The following NRXN3 variants were observed in gnomAD, a reference collection of about 807,000 sequenced individuals.
The protein encoded by NRXN3 is neurexin III.
A neutral mutation model predicts 137.6 loss-of-function variants in NRXN3; 32 were observed. That is an observed-to-expected ratio of 0.23 (90% confidence interval 0.18 to 0.31). The LOEUF is 0.31. Among genes scored for constraint, NRXN3 ranks in the 10% least tolerant of loss-of-function variants. NRXN3 has a pLI of 1.00. For synonymous variants in NRXN3, 798 were observed against 784.5 expected (o/e 1.02, Z -0.29); for missense variants, 1,574 against 2,062.5 (o/e 0.76, Z 4.59).
chr14:79,517,099 C>CCCG (rs2096996100), intron 16 of NRXN3, among the ~76,000 whole-genome samples: 1 of 96,918 alleles, frequency 1.0e-5, no homozygotes, highest in African/African-American at 5.4e-5. Flanking sequence ...ACAGCCCCCC[C>CCCG]CCCCTCAACG....
intron 15 of NRXN3, among the ~76,000 whole-genome samples, chr14:79,090,358 A>G (rs1258431415): frequency 1.3e-5 from 2 of 152,182 alleles, no homozygotes; most frequent in Non-Finnish European, 2.9e-5. Flanking sequence ...TCCCTTTTAG[A>G]GAAGAAGATA....
At chr14:79,619,289 T>A (rs1215898557) in intron 16 of NRXN3, among the ~76,000 whole-genome samples, 1 of 152,066 alleles carries the variant, frequency 6.6e-6, no homozygotes, top group Non-Finnish European at 1.5e-5. Flanking sequence ...AGGCCAACGT[T>A]CTAAATGGTA....
At chr14:79,162,291 C>G (rs1450274429) in intron 15 of NRXN3, among the ~76,000 whole-genome samples, 1 of 133,064 alleles carries the variant, frequency 7.5e-6, no homozygotes, top group Non-Finnish European at 1.6e-5. Context: ...ATCCCGCCCC[C>G]CTCCCCTCAC....
At chr14:78,465,786 G>A (rs2095084848) in intron 4 of NRXN3, among the ~76,000 whole-genome samples, 1 of 151,964 alleles carries the variant, frequency 6.6e-6, no homozygotes, top group South Asian at 2.1e-4. Flanking sequence ...GCCCGCCTCG[G>A]CTTCCCAAAG....
intron 1 of NRXN3, among the ~76,000 whole-genome samples, chr14:78,188,814 A>G (rs995795246): frequency 1.8e-4 from 28 of 152,220 alleles, no homozygotes; most frequent in African/African-American, 6.3e-4. Context: ...ACGGATTCCT[A>G]CGGGTTGGTT....
At chr14:79,118,453 T>C (rs2054840317) in intron 15 of NRXN3, among the ~76,000 whole-genome samples, 1 of 152,200 alleles carries the variant, frequency 6.6e-6, no homozygotes, top group South Asian at 2.1e-4. Context: ...TAAGTGTTGA[T>C]GTGAGAGTCC....
chr14:79,347,051 C>A (rs997765595), intron 15 of NRXN3, among the ~76,000 whole-genome samples: 2 of 152,060 alleles, frequency 1.3e-5, no homozygotes, highest in African/African-American at 4.8e-5. Flanking sequence ...TGAGTTGGAG[C>A]AAAACTCTTG....
intron 19 of NRXN3, among the ~76,000 whole-genome samples, chr14:79,767,398 T>C (rs2099059620): frequency 6.6e-6 from 1 of 152,248 alleles, no homozygotes; most frequent in African/African-American, 2.4e-5. Flanking sequence ...GTTATTTTTT[T>C]ACTCAGAGAA....
chr14:79,347,730 C>T (rs2092968757), intron 15 of NRXN3, among the ~76,000 whole-genome samples: 1 of 152,068 alleles, frequency 6.6e-6, no homozygotes, highest in Non-Finnish European at 1.5e-5. Context: ...CAACATTTCC[C>T]TTTTCAGTAG....
At chr14:79,749,072 C>T (rs2098988753) in intron 19 of NRXN3, among the ~76,000 whole-genome samples, 1 of 152,000 alleles carries the variant, frequency 6.6e-6, no homozygotes, top group South Asian at 2.1e-4. Context: ...GGAGGCTTTT[C>T]TCTTGATCTA....
chr14:78,422,138 A>G (rs1035336972), intron 4 of NRXN3, among the ~76,000 whole-genome samples: 3 of 152,160 alleles, frequency 2.0e-5, no homozygotes, highest in Non-Finnish European at 2.9e-5. Flanking sequence ...AGCCAAGGCC[A>G]CTGCTGGACT....
chr14:79,722,666 A>G (rs2098848919), intron 19 of NRXN3, among the ~76,000 whole-genome samples: 2 of 152,068 alleles, frequency 1.3e-5, no homozygotes, highest in South Asian at 2.1e-4. Flanking sequence ...ATGTGTTTCC[A>G]CAGTAAATGG....
At chr14:78,212,806 A>C (rs1845745501) in intron 1 of NRXN3, among the ~76,000 whole-genome samples, 2 of 152,206 alleles carry the variant, frequency 1.3e-5, no homozygotes, top group South Asian at 4.1e-4. Flanking sequence ...GCAGTTTTTC[A>C]ATTAGATATA....
intron 4 of NRXN3, among the ~76,000 whole-genome samples, chr14:78,438,302 T>C (rs573571961): frequency 2.6e-5 from 4 of 152,212 alleles, no homozygotes; most frequent in Middle Eastern, 3.4e-3. Context: ...AGCTGGAAAT[T>C]TGGTTTTGAG....
chr14:79,702,623 C>G (rs1376887356), intron 19 of NRXN3, among the ~76,000 whole-genome samples: 1 of 151,936 alleles, frequency 6.6e-6, no homozygotes, highest in East Asian at 1.9e-4. Context: ...TTGTGAGTAG[C>G]AAGGGGTCCA....
intron 15 of NRXN3, among the ~76,000 whole-genome samples, chr14:79,104,981 A>T (rs2052108053): frequency 6.6e-6 from 1 of 152,110 alleles, no homozygotes; most frequent in Non-Finnish European, 1.5e-5. Flanking sequence ...TTTTCATGAT[A>T]TTTCATGTCT....
chr14:79,152,236 A>G lies in NRXN3; in HGVS notation c.3262+164095A>G, dbSNP rs188835052. Among the ~76,000 whole-genome samples, 214 of 152,214 alleles carry G rather than the reference A, an allele frequency of 1.4e-3. 1 individual carries two copies. Among genetic ancestry groups the G allele is most frequent in the African/African-American group, 4.8e-3 (198 of 41,564 alleles). ...TGCTTTTGCATTTTATCTGCAGTCA[A>G]CTAGTTAGAAACCAGAAACAACTAT... On this transcript the variant is annotated intron_variant, in intron 15 of 20. Coordinates refer to ENST00000335750, the MANE Select transcript of NRXN3 (RefSeq NM_001330195.2).
chr14:79,514,142 G>A (rs1275112099), intron 16 of NRXN3, among the ~76,000 whole-genome samples: 1 of 151,930 alleles, frequency 6.6e-6, no homozygotes, highest in Non-Finnish European at 1.5e-5. Flanking sequence ...TAGAGATAGA[G>A]ATATAGGCAA....
At chr14:79,243,472 A>G (rs771464268) in intron 15 of NRXN3, among the ~76,000 whole-genome samples, 1 of 152,156 alleles carries the variant, frequency 6.6e-6, no homozygotes, top group Non-Finnish European at 1.5e-5. Flanking sequence ...AGAGTGCTTT[A>G]TGTGCGTTGT....
Sources: allele counts gnomAD v4.1 joint callset (sites outside exome capture counted in the v4.1 genomes callset), GRCh38; gene constraint gnomAD v4.1.1; transcripts MANE v1.5; gene names NCBI Gene and HGNC (gene_info 2026-07-23, HGNC 2026-07-21).